USP34: variants seen among roughly 807,000 people sequenced by gnomAD.
USP34 encodes the protein ubiquitin carboxyl-terminal hydrolase 34.
Under a neutral mutation model 460.3 loss-of-function variants are expected in USP34, and 70 were observed. The ratio of observed to expected loss-of-function variants is 0.15; its 90% CI spans 0.13 to 0.19. USP34 has a LOEUF of 0.19. Ranked by LOEUF, USP34 falls within the 10% of genes least tolerant of loss-of-function variation. The pLI is 1.00. For synonymous variants in USP34, 1,647 were observed against 1,405.3 expected (o/e 1.17, Z -3.85); for missense variants, 3,985 against 4,236.2 (o/e 0.94, Z 1.65).
At chr2:61,426,415 C>A (rs1694512727) in intron 1 of USP34, among the ~76,000 whole-genome samples, 1 of 152,128 alleles carries the variant, frequency 6.6e-6, no homozygotes, top group Non-Finnish European at 1.5e-5. Context: ...GACAAGCTGA[C>A]TTCAGAGACA....
intron 5 of USP34, among the ~76,000 whole-genome samples, chr2:61,386,422 AG>A (rs1693146644): frequency 6.6e-6 from 1 of 152,212 alleles, no homozygotes; most frequent in Non-Finnish European, 1.5e-5. Context: ...GCAGTTGAAT[AG>A]ATCAAAATAT....
intron 1 of USP34, among the ~76,000 whole-genome samples, chr2:61,427,257 T>C (rs546569524): frequency 6.6e-6 from 1 of 152,326 alleles, no homozygotes; most frequent in East Asian, 1.9e-4. Flanking sequence ...CTCGATCTCC[T>C]GACCTCGTGA....
At chr2:61,347,727 T>C (rs1345747647) in intron 15 of USP34, 143 bp downstream of exon 15, 21 of 1,430,160 alleles carry the variant, frequency 1.5e-5, no homozygotes, top group Non-Finnish European at 1.8e-5. Context: ...AACTTGAAAT[T>C]ATCTATTTGT....
chr2:61,232,852 A>G (rs1687948414), intron 57 of USP34, among the ~76,000 whole-genome samples: 1 of 107,074 alleles, frequency 9.3e-6, no homozygotes, highest in Admixed American at 1.0e-4. Flanking sequence ...TTATATATAT[A>G]TATATATTCC....
chr2:61,467,048 G>A (rs1695784918), intron 1 of USP34, among the ~76,000 whole-genome samples: 1 of 152,102 alleles, frequency 6.6e-6, no homozygotes, highest in Non-Finnish European at 1.5e-5. Context: ...GCTCACGCCT[G>A]TAATCCTAGC....
intron 1 of USP34, among the ~76,000 whole-genome samples, chr2:61,442,844 A>T (rs1695002031): frequency 6.6e-6 from 1 of 151,990 alleles, no homozygotes; most frequent in Non-Finnish European, 1.5e-5. Flanking sequence ...CAAGATACAA[A>T]ATCAACCTAC....
intron 25 of USP34, among the ~76,000 whole-genome samples, chr2:61,313,616 A>G (rs1216340101): frequency 2.0e-5 from 3 of 152,066 alleles, no homozygotes; most frequent in African/African-American, 7.2e-5. Flanking sequence ...TTAAAATTTT[A>G]TTTTTTTAAG....
chr2:61,189,170 C>A (rs1686542838), intron 78 of USP34, 101 bp from the exon 79 acceptor site: 3 of 1,297,470 alleles, frequency 2.3e-6, no homozygotes, highest in African/African-American at 1.5e-5. Flanking sequence ...GGAATCCATT[C>A]TTTCCTAAGA....
intron 48 of USP34, among the ~76,000 whole-genome samples, chr2:61,252,368 T>A (rs1178483831): frequency 6.6e-6 from 1 of 150,382 alleles, no homozygotes; most frequent in African/African-American, 2.5e-5. Flanking sequence ...TAAGTGTCAA[T>A]TGCTGCTACT....
At chr2:61,246,195 T>C (rs939657251) in intron 50 of USP34, 129 bp downstream of exon 50, 2 of 607,706 alleles carry the variant, frequency 3.3e-6, no homozygotes, top group East Asian at 3.3e-5. Context: ...TTGAAAGTTA[T>C]CTTCATTTAA....
chr2:61,465,801 C>T (rs1255495013), intron 1 of USP34, among the ~76,000 whole-genome samples: 1 of 151,908 alleles, frequency 6.6e-6, no homozygotes, highest in Non-Finnish European at 1.5e-5. Flanking sequence ...CATGGTGAAA[C>T]CCCATCTCTA....
At chr2:61,373,156 C>A (rs895016353) in intron 8 of USP34, among the ~76,000 whole-genome samples, 24 of 151,678 alleles carry the variant, frequency 1.6e-4, no homozygotes, top group African/African-American at 5.8e-4. Flanking sequence ...CATAAAATCG[C>A]TAAGAAAATT....
At position 61,417,034 on chromosome 2, in the gene USP34, A is replaced by G. The variant is rs948101841; in HGVS notation, c.131+3712T>C. The G allele has an allele frequency of 1.2e-5, 16 of 1,301,462 alleles. No homozygotes were observed. In the Admixed American group the frequency reaches 2.7e-4, roughly 22 times the overall value. The allele number at this position is 1,301,462 out of a possible 1,614,324, so 80.6% of individuals were successfully genotyped here. ...GAAGCCCCACTTCTTCCAGATGTGG[A>G]TCTTCTGGCAGCCGGGGAACTTGAA... is the stretch of plus-strand genomic sequence containing the variant. On this transcript the variant is annotated intron_variant, in intron 2 of 79. Coordinates refer to ENST00000398571, the MANE Select transcript of USP34 (RefSeq NM_014709.4).
chr2:61,358,953 A>G (rs1473242297), intron 10 of USP34, among the ~76,000 whole-genome samples: 1 of 152,210 alleles, frequency 6.6e-6, no homozygotes, highest in Non-Finnish European at 1.5e-5. Context: ...TTGCTAAAAT[A>G]AATTAAAAAC....
chr2:61,371,614 AT>A (rs1692630863), intron 8 of USP34, among the ~76,000 whole-genome samples: 1 of 152,184 alleles, frequency 6.6e-6, no homozygotes, highest in African/African-American at 2.4e-5. Context: ...GCTAAGGTTA[AT>A]TTAATAGTGA....
At position 61,288,747 on chromosome 2, in the gene USP34, G is replaced by A. The variant is rs878986501; in HGVS notation, c.4679C>T (p.Thr1560Ile). 6.2e-7 allele frequency: 1 copy of A among 1,613,996 alleles called. No homozygotes were observed. Among genetic ancestry groups the A allele is most frequent in the East Asian group, 2.2e-5 (1 of 44,872 alleles). The change falls in exon 34 of 80, where the codon ACC (threonine) becomes ATC (isoleucine). Residue 1560 changes from threonine (T) to isoleucine (I), a missense_variant. Transcript: ENST00000398571. ...SGIAESHRKRTWPGKSRKAAG... is the reference protein window; with the variant it reads ...SGIAESHRKRIWPGKSRKAAG... ...AGCCTTCCTTGATTTGCCAGGCCAG[G>A]TTCTTTTCCTATGGCTTTCCGCTAT...
chr2:61,189,268 TTTTG>T, intron 78 of USP34, 199 bp from the exon 79 acceptor site: 9 of 541,812 alleles, frequency 1.7e-5, no homozygotes, highest in East Asian at 1.0e-4. Flanking sequence ...TGTTTTTTTT[TTTTG>T]TTTTGTTTTT....
At chr2:61,275,434 C>G (rs1689343449) in intron 41 of USP34, among the ~76,000 whole-genome samples, 1 of 151,942 alleles carries the variant, frequency 6.6e-6, no homozygotes, top group Admixed American at 6.6e-5. Flanking sequence ...CTGGGCAACA[C>G]AGCAAAACCC....
At position 61,420,746 on chromosome 2, in the gene USP34, C is replaced by A; in HGVS notation, c.131G>T (p.Arg44Met). 1 of 1,603,168 alleles carries A rather than the reference C, an allele frequency of 6.2e-7. No individual in the cohort carries two copies. The highest frequency in any genetic ancestry group is 1.1e-5 in the South Asian group (1 of 88,368). The change falls in exon 2 of 80, where the codon AGG becomes ATG. Residue 44 changes from arginine (R) to methionine (M), a missense_variant and splice_region_variant. This residue lies in a region of USP34 where 331 missense variants were observed against 293.7 expected (regional missense o/e 1.13). Transcript: ENST00000398571. ...IFTYINSWTQRQCLCCFKEYK... is the reference protein window; with the variant it reads ...IFTYINSWTQMQCLCCFKEYK... ...CTTCGAAATACCTAAAGATGCATAC[C>A]TCTGTGTCCAGGAATTGATATAAGT...
Sources: allele counts gnomAD v4.1 joint callset (sites outside exome capture counted in the v4.1 genomes callset), GRCh38; gene constraint gnomAD v4.1.1; regional missense constraint gnomAD v4.1.1; transcripts MANE v1.5; gene names NCBI Gene and HGNC (gene_info 2026-07-23, HGNC 2026-07-21).